LOXL2: variants seen among roughly 807,000 people sequenced by gnomAD.
LOXL2 encodes lysyl oxidase homolog 2.
Under a neutral mutation model 93.0 loss-of-function variants are expected in LOXL2, and 70 were observed. That is an observed-to-expected ratio of 0.75 (90% confidence interval 0.62 to 0.92). The LOEUF (loss-of-function observed/expected upper bound fraction) is 0.92. Ranked by LOEUF, LOXL2 falls within the 40% of genes least tolerant of loss-of-function variation. The pLI is 0.00. For synonymous variants in LOXL2, 438 were observed against 413.2 expected (o/e 1.06, Z -0.73); for missense variants, 973 against 1,054.9 (o/e 0.92, Z 1.08).
At chr8:23,365,012 C>G (rs1169856727) in intron 2 of LOXL2, 1 of 152,276 alleles carries the variant, frequency 6.6e-6, no homozygotes, top group Non-Finnish European at 1.5e-5. Flanking sequence ...TAACCTCGAA[C>G]AGGGGTTGAG....
At chr8:23,403,013 G>A (rs1222711779) in intron 1 of LOXL2, among the ~76,000 whole-genome samples, 1 of 151,882 alleles carries the variant, frequency 6.6e-6, no homozygotes. Context: ...GTCTTAGCTC[G>A]GGCACGGAGA....
chr8:23,358,251 T>C (rs572403701), intron 3 of LOXL2, among the ~76,000 whole-genome samples: 196 of 152,350 alleles, frequency 1.3e-3, no homozygotes, highest in African/African-American at 4.4e-3. Flanking sequence ...AATAGCAGCA[T>C]TTGACAGGTG....
chr8:23,336,132 C>G (rs778867341), intron 4 of LOXL2: 1 of 152,298 alleles, frequency 6.6e-6, no homozygotes, highest in Non-Finnish European at 1.5e-5. Context: ...ACCAGCTGCT[C>G]GAGGATTGGT....
At chr8:23,302,531 G>A (rs947053767) in intron 11 of LOXL2, among the ~76,000 whole-genome samples, 6 of 146,876 alleles carry the variant, frequency 4.1e-5, no homozygotes, top group African/African-American at 1.6e-4. Context: ...GTCTCCTCTG[G>A]AGGATCGGCA....
Position 23,323,379 on chromosome 8 carries a change from T to C in LOXL2, c.1151-1098A>G, listed in dbSNP as rs116568339. The stretch of plus-strand genomic sequence containing the variant: ...TGATCTGGTCCAAACGCCCACGCTC[T>C]CCTCCCTCTAGGGAAGCCCTCGCTG... On this transcript the variant is annotated intron_variant, in intron 6 of 13. Coordinates refer to ENST00000389131, the MANE Select transcript of LOXL2 (RefSeq NM_002318.3). 3.5e-3 allele frequency among the ~76,000 whole-genome samples: 530 copies of C among 152,300 alleles called. 3 individuals carry two copies. The highest frequency in any genetic ancestry group is 0.012 in the African/African-American group (517 of 41,572).
chr8:23,396,808 C>G (rs1307253653), intron 1 of LOXL2, among the ~76,000 whole-genome samples: 1 of 152,188 alleles, frequency 6.6e-6, no homozygotes, highest in Non-Finnish European at 1.5e-5. Context: ...CCTGCTTTGC[C>G]TTTAAATTCA....
intron 2 of LOXL2, chr8:23,364,138 AG>A (rs1804354399): frequency 1.3e-5 from 2 of 152,288 alleles, no homozygotes; most frequent in South Asian, 4.1e-4. Context: ...AGCCTCCCAA[AG>A]GGCTGGGATT....
At chr8:23,368,925 A>G (rs13254155) in intron 1 of LOXL2, among the ~76,000 whole-genome samples, 56,890 of 151,854 alleles carry the variant, frequency 0.37, 11,015 homozygotes, top group East Asian at 0.54. Context: ...TGGGAGGGAG[A>G]ATAAATACCT....
At chr8:23,318,817 C>G (rs532481247) in intron 8 of LOXL2, among the ~76,000 whole-genome samples, 1 of 152,338 alleles carries the variant, frequency 6.6e-6, no homozygotes, top group Admixed American at 6.5e-5. Context: ...GCGTAAGCAG[C>G]TATTTTAAAG....
intron 1 of LOXL2, among the ~76,000 whole-genome samples, chr8:23,387,095 G>C (rs1012307627): frequency 4.6e-5 from 7 of 152,208 alleles, no homozygotes; most frequent in African/African-American, 1.7e-4. Flanking sequence ...TGAAGTCTCT[G>C]ACTGACACAA....
chr8:23,343,231 C>A (rs1031329608), intron 3 of LOXL2, among the ~76,000 whole-genome samples: 1 of 152,220 alleles, frequency 6.6e-6, no homozygotes, highest in Non-Finnish European at 1.5e-5. Context: ...TATATAATAG[C>A]AACAGCTACC....
At chr8:23,373,361 G>A (rs994879692) in intron 1 of LOXL2, among the ~76,000 whole-genome samples, 1 of 152,030 alleles carries the variant, frequency 6.6e-6, no homozygotes, top group East Asian at 1.9e-4. Flanking sequence ...TGCCTGGCAG[G>A]GTCTTGCCGT....
rs573924999 is a variant in LOXL2, at chr8:23,348,187, G to A, written c.532-6984C>T. Among the ~76,000 whole-genome samples, 12 of 148,246 alleles carry A rather than the reference G, an allele frequency of 8.1e-5. No homozygotes were observed. In the South Asian group the frequency reaches 1.7e-3, roughly 21 times the overall value. On this transcript the variant is annotated intron_variant, in intron 3 of 13. Transcript: ENST00000389131. Reference sequence around the variant, plus strand: ...AACCAAACACCGCATGTTCTCACGCGTAGGTGGGAATTGAACAATGAGAAC... The same window carrying A: ...AACCAAACACCGCATGTTCTCACGCATAGGTGGGAATTGAACAATGAGAAC...
intron 4 of LOXL2, among the ~76,000 whole-genome samples, chr8:23,333,880 AAAGG>A (rs1803746900): frequency 6.6e-6 from 1 of 152,242 alleles, no homozygotes; most frequent in African/African-American, 2.4e-5. Context: ...TCTAGGAAAG[AAAGG>A]ACTCACTCAA....
intron 9 of LOXL2, among the ~76,000 whole-genome samples, chr8:23,313,959 A>AAACC (rs1803353763): frequency 1.2e-5 from 1 of 80,224 alleles, no homozygotes. Flanking sequence ...AGAAAAAAAC[A>AAACC]ACCCCATCAA....
chr8:23,375,461 A>T (rs1376974957), intron 1 of LOXL2, among the ~76,000 whole-genome samples: 2 of 152,054 alleles, frequency 1.3e-5, no homozygotes, highest in Non-Finnish European at 2.9e-5. Flanking sequence ...ACTTTAAAGT[A>T]GTTTTTTCCA....
At chr8:23,376,184 C>G (rs182388964) in intron 1 of LOXL2, among the ~76,000 whole-genome samples, 12 of 152,296 alleles carry the variant, frequency 7.9e-5, no homozygotes, top group African/African-American at 2.4e-4. Flanking sequence ...TTTTCTGCTT[C>G]TATTGAGATA....
At position 23,368,383 on chromosome 8, in the gene LOXL2, G is replaced by A; in HGVS notation, c.-32C>T. 1 of 1,582,468 alleles carries A rather than the reference G, an allele frequency of 6.3e-7. No individual in the cohort carries two copies. Among genetic ancestry groups the A allele is most frequent in the Non-Finnish European group, 8.6e-7 (1 of 1,158,506 alleles). ...CTTCGGGCTGATGATCCCACGAAGGGGCCCTGCGCAGCTGGGAGGGACAGG... is the reference window on the plus strand; with the variant it reads ...CTTCGGGCTGATGATCCCACGAAGGAGCCCTGCGCAGCTGGGAGGGACAGG... On this transcript the variant is annotated 5_prime_UTR_variant, in exon 2 of 14. Transcript: ENST00000389131.
At chr8:23,380,436 T>C (rs896771943) in intron 1 of LOXL2, among the ~76,000 whole-genome samples, 2 of 150,868 alleles carry the variant, frequency 1.3e-5, no homozygotes, top group African/African-American at 4.9e-5. Context: ...TGGATTTGTA[T>C]ATCTGTAAAC....
Sources: gnomAD v4.1 joint callset for allele counts (sites outside exome capture counted in the v4.1 genomes callset) on GRCh38, gnomAD v4.1.1 for gene constraint, MANE v1.5 for transcripts, NCBI Gene and HGNC (gene_info 2026-07-23, HGNC 2026-07-21) for gene names.